Variants in GLIPR1L2 observed in about 807,000 individuals in gnomAD.
The protein encoded by GLIPR1L2 is GLIPR1 like 2, also known as GLIPR1-like protein 2.
GLIPR1L2 carries 21 observed loss-of-function variants against 28.4 expected under a neutral mutation model. That is an observed-to-expected ratio of 0.74 (90% CI 0.52 to 1.06). GLIPR1L2 has a LOEUF of 1.06. GLIPR1L2 is among the 50% of genes least tolerant of loss of function. GLIPR1L2 has a pLI of 0.00. For missense variants in GLIPR1L2, 476 were observed against 416.9 expected, an observed-to-expected ratio of 1.14 and a Z score of -1.23; for synonymous variants, 145 against 139.3, an observed-to-expected ratio of 1.04 and a Z score of -0.29.
intron 3 of GLIPR1L2, among the ~76,000 whole-genome samples, chr12:75,420,931 A>G (rs935599995): frequency 6.6e-6 from 1 of 152,192 alleles, no homozygotes; most frequent in Non-Finnish European, 1.5e-5. Flanking sequence ...GTATGTATGT[A>G]TGCATTATTA....
chr12:75,400,960 G>A (rs972263589), intron 1 of GLIPR1L2, among the ~76,000 whole-genome samples: 2 of 151,792 alleles, frequency 1.3e-5, no homozygotes, highest in African/African-American at 2.4e-5. Flanking sequence ...TTAATCATAT[G>A]TAATTTTAAA....
intron 3 of GLIPR1L2, among the ~76,000 whole-genome samples, chr12:75,418,583 T>C (rs1377435632): frequency 6.6e-6 from 1 of 152,130 alleles, no homozygotes; most frequent in African/African-American, 2.4e-5. Context: ...TTCTGTCCCA[T>C]TGTAGTAATA....
Position 75,431,065 on chromosome 12 carries a change from G to A in GLIPR1L2, c.939G>A (p.Met313Ile), listed in dbSNP as rs951099703. ...KEEEKKEKEE[M>I]EMEIMEMEEE... is the part of the protein sequence containing the mutation. The stretch of plus-strand genomic sequence containing the variant: ...AAGAGAAGAAAGAGAAAGAGGAAAT[G>A]GAAATGGAAATAATGGAAATGGAGG... Residue 313 changes from methionine to isoleucine, a missense_variant, in exon 6 of 6, where the codon ATG becomes ATA. Transcript: ENST00000550916. The A allele has an allele frequency of 4.3e-6, 6 of 1,402,620 alleles. No individual in the cohort carries two copies. The Admixed American group carries it at 1.2e-4, about 28-fold the overall frequency. The allele number at this position is 1,402,620 out of a possible 1,614,324, so 86.9% of individuals were successfully genotyped here.
At chr12:75,404,004 A>G (rs575256916) in intron 1 of GLIPR1L2, among the ~76,000 whole-genome samples, 3 of 152,348 alleles carry the variant, frequency 2.0e-5, no homozygotes, top group African/African-American at 7.2e-5. Context: ...ATATCAAGAC[A>G]AAGAAAGCCT....
At chr12:75,417,261 G>A (rs1050695298) in intron 3 of GLIPR1L2, among the ~76,000 whole-genome samples, 8 of 152,060 alleles carry the variant, frequency 5.3e-5, no homozygotes, top group Admixed American at 2.0e-4. Context: ...CAGAAGAGGA[G>A]GCAGTGTGAC....
At chr12:75,425,487 C>A (rs1464666288) in intron 4 of GLIPR1L2, among the ~76,000 whole-genome samples, 1 of 152,200 alleles carries the variant, frequency 6.6e-6, no homozygotes, top group Admixed American at 6.5e-5. Flanking sequence ...AAGGAATCCA[C>A]ACATGCAGAA....
At chr12:75,396,136 A>G (rs1266231676) in intron 1 of GLIPR1L2, among the ~76,000 whole-genome samples, 1 of 152,004 alleles carries the variant, frequency 6.6e-6, no homozygotes, top group Non-Finnish European at 1.5e-5. Context: ...TCATTGCTTA[A>G]GAGTGTGTTG....
chr12:75,424,446 T>A (rs998880195), intron 4 of GLIPR1L2, among the ~76,000 whole-genome samples: 1 of 152,078 alleles, frequency 6.6e-6, no homozygotes, highest in African/African-American at 2.4e-5. Context: ...GTTTAAGTTC[T>A]TTGTAGATTC....
At chr12:75,412,617 G>A (rs1182966549) in intron 2 of GLIPR1L2, among the ~76,000 whole-genome samples, 1 of 152,158 alleles carries the variant, frequency 6.6e-6, no homozygotes, top group Non-Finnish European at 1.5e-5. Context: ...CTGGCCGTCA[G>A]AGAAATGCAA....
At chr12:75,423,131 G>C in intron 4 of GLIPR1L2, 142 bp downstream of exon 4, 1 of 1,540,448 alleles carries the variant, frequency 6.5e-7, no homozygotes, top group Non-Finnish European at 8.7e-7. Flanking sequence ...AAGGATGGTT[G>C]ACACAGTATC....
chr12:75,405,325 C>T lies in GLIPR1L2; in HGVS notation c.235-5109C>T, dbSNP rs568869008. 1.2e-4 allele frequency among the ~76,000 whole-genome samples: 18 copies of T among 152,184 alleles called. No individual in the cohort carries two copies. In the East Asian group the frequency reaches 2.5e-3, roughly 21 times the overall value. On this transcript the variant is annotated intron_variant, in intron 1 of 5. Coordinates refer to ENST00000550916, the MANE Select transcript of GLIPR1L2 (RefSeq NM_001270396.2). ...AGTTACTACTGTTACTGCTTGAGAC[C>T]GTCATTACAAGACTGAACAGAGGAC...
chr12:75,401,141 GA>G (rs2045736832), intron 1 of GLIPR1L2, among the ~76,000 whole-genome samples: 2 of 151,490 alleles, frequency 1.3e-5, no homozygotes, highest in Admixed American at 1.3e-4. Flanking sequence ...GGAAAAATAG[GA>G]AATGACTTTT....
intron 1 of GLIPR1L2, among the ~76,000 whole-genome samples, chr12:75,404,909 A>T (rs568328625): frequency 6.6e-6 from 1 of 152,304 alleles, no homozygotes; most frequent in African/African-American, 2.4e-5. Flanking sequence ...GATAATTTCT[A>T]AGTAAGATAA....
chr12:75,425,238 G>A (rs1362931447), intron 4 of GLIPR1L2, among the ~76,000 whole-genome samples: 1 of 152,138 alleles, frequency 6.6e-6, no homozygotes, highest in East Asian at 1.9e-4. Context: ...CTGAGCCAGT[G>A]AGGAAGGCAT....
At chr12:75,407,424 A>ATCTT (rs2045815399) in intron 1 of GLIPR1L2, among the ~76,000 whole-genome samples, 1 of 152,178 alleles carries the variant, frequency 6.6e-6, no homozygotes, top group South Asian at 2.1e-4. Flanking sequence ...GAGAGAATAA[A>ATCTT]ATGCAAAGTT....
rs766693613 is a variant in GLIPR1L2, at chr12:75,410,594, T to C, written c.395T>C (p.Ile132Thr). The C allele has an allele frequency of 6.2e-6, 10 of 1,612,362 alleles. No individual in the cohort carries two copies. Among genetic ancestry groups the C allele is most frequent in the South Asian group, 2.2e-5 (2 of 91,014 alleles). Residue 132 changes from isoleucine (I) to threonine (T), a missense_variant, in exon 2 of 6, where the codon ATT (isoleucine) becomes ACT (threonine). By Grantham distance (89) the Ile-to-Thr change is moderately conservative. Transcript: ENST00000550916. Reference sequence around the variant, plus strand: ...CCTGAAAATGAATTTACTGCAAGTATTGCTATCAGAAGTTGGCATGCAGAG... The same window carrying C: ...CCTGAAAATGAATTTACTGCAAGTACTGCTATCAGAAGTTGGCATGCAGAG... ...VGPENEFTAS[I>T]AIRSWHAEKK...
Position 75,391,136 on chromosome 12 carries a change from T to TC in GLIPR1L2, c.21dup (p.Ala8ArgfsTer23). 6.2e-7 allele frequency: 1 copy of TC among 1,613,740 alleles called. No homozygotes were observed. Among genetic ancestry groups the TC allele is most frequent in the Non-Finnish European group, 8.5e-7 (1 of 1,179,854 alleles). ...TGGACCATGGAGGCCGCAAGGCCCT[T>TC]CGCCCGGGAGTGGAGGGCCCAGTCC... On this transcript the variant is annotated frameshift_variant, in exon 1 of 6. Transcript: ENST00000550916. LOFTEE classifies it high-confidence loss of function.
At chr12:75,420,204 G>A (rs1354427539) in intron 3 of GLIPR1L2, among the ~76,000 whole-genome samples, 2 of 152,178 alleles carry the variant, frequency 1.3e-5, no homozygotes, top group African/African-American at 2.4e-5. Flanking sequence ...GAGTCTGGAT[G>A]GAGAACTTTG....
At chr12:75,422,673 T>A (rs2045989343) in intron 3 of GLIPR1L2, among the ~76,000 whole-genome samples, 1 of 152,218 alleles carries the variant, frequency 6.6e-6, no homozygotes, top group African/African-American at 2.4e-5. Flanking sequence ...CCGATTCTTA[T>A]ATTTAATTAT....
Sources: allele counts gnomAD v4.1 joint callset (sites outside exome capture counted in the v4.1 genomes callset), GRCh38; gene constraint gnomAD v4.1.1; transcripts MANE v1.5; gene names NCBI Gene and HGNC (gene_info 2026-07-23, HGNC 2026-07-21).